The following RBFOX1 variants were observed in gnomAD, a reference collection of about 807,000 sequenced individuals.
RBFOX1 encodes the protein RNA binding fox-1 homolog 1, also known as RNA binding protein fox-1 homolog 1.
In RBFOX1, 8 loss-of-function variants were observed where a neutral mutation model predicts 57.7. The ratio of observed to expected loss-of-function variants is 0.14; its 90% CI spans 0.08 to 0.25. The LOEUF (loss-of-function observed/expected upper bound fraction) is 0.25, where lower values mean the gene tolerates loss of function less well. Among genes scored for constraint, RBFOX1 ranks in the 10% least tolerant of loss-of-function variants. The probability of loss-of-function intolerance (pLI) is 1.00; values close to 1 mark genes in which losing one functional copy is unlikely to be tolerated. For synonymous variants in RBFOX1, 326 were observed against 222.4 expected (o/e 1.47, Z -4.15); for missense variants, 611 against 548.5 (o/e 1.11, Z -1.14).
rs544368589 is a variant in RBFOX1, at chr16:6,598,631, C to A, written c.-63-55972C>A. On this transcript the variant is annotated intron_variant, in intron 2 of 15. Transcript: ENST00000550418. ...ACATATGATAAACAGTATTATGTGA[C>A]CATTCAAAATGGCTTTTAAGAATAC... is the stretch of plus-strand genomic sequence containing the variant. Among the ~76,000 whole-genome samples the A allele has an allele frequency of 1.8e-3, 264 of 150,138 alleles. 1 individual carries two copies. The highest frequency in any genetic ancestry group is 2.9e-3 in the Non-Finnish European group (195 of 67,774).
At chr16:6,531,199 A>G (rs1468847605) in intron 2 of RBFOX1, among the ~76,000 whole-genome samples, 1 of 151,940 alleles carries the variant, frequency 6.6e-6, no homozygotes, top group East Asian at 1.9e-4. Context: ...CCCAAATTCT[A>G]TTTTTCTCCA....
chr16:6,477,678 A>G (rs897929754), intron 2 of RBFOX1, among the ~76,000 whole-genome samples: 1 of 152,228 alleles, frequency 6.6e-6, no homozygotes, highest in African/African-American at 2.4e-5. Context: ...AGCCCCTAAT[A>G]AGAGCGTCAG....
At chr16:7,457,221 C>T (rs555541765) in intron 4 of RBFOX1, among the ~76,000 whole-genome samples, 2 of 152,100 alleles carry the variant, frequency 1.3e-5, no homozygotes, top group South Asian at 2.1e-4. Context: ...TACAGCGGGT[C>T]CATGAATGCA....
chr16:6,342,196 G>A (rs558451471), intron 2 of RBFOX1, among the ~76,000 whole-genome samples: 32 of 152,326 alleles, frequency 2.1e-4, no homozygotes, highest in African/African-American at 5.5e-4. Context: ...ATGTGGGAAT[G>A]GAGGCAAGCT....
chr16:5,364,780 G>C (rs1385650579), intron 1 of RBFOX1, among the ~76,000 whole-genome samples: 1 of 151,972 alleles, frequency 6.6e-6, no homozygotes, highest in African/African-American at 2.4e-5. Context: ...TGTGAGGCAG[G>C]TGCTGCTTTA....
intron 2 of RBFOX1, among the ~76,000 whole-genome samples, chr16:6,644,914 C>T (rs979259690): frequency 1.3e-5 from 2 of 152,152 alleles, no homozygotes; most frequent in African/African-American, 4.8e-5. Flanking sequence ...CTCCTTGATC[C>T]TCTGTATTTA....
chr16:5,239,997 G>A, exon 1 of RBFOX1: 6 of 1,463,784 alleles, frequency 4.1e-6, no homozygotes, highest in Non-Finnish European at 5.4e-6. Flanking sequence ...GGCTGCGGCT[G>A]GGGCTGGAGG....
chr16:6,962,344 GATCCTACAC>G lies in RBFOX1; in HGVS notation c.-15-89710_-15-89702del, dbSNP rs1304817952. ...TCCTTAGCTTAATGACATCTGCAAAGATCCTACACATTCATAGGTAGCAAGGGTTAGGAC... is the reference window on the plus strand; with the variant it reads ...TCCTTAGCTTAATGACATCTGCAAAGATTCATAGGTAGCAAGGGTTAGGAC... On this transcript the variant is annotated intron_variant, in intron 3 of 15. Coordinates refer to ENST00000550418, the MANE Select transcript of RBFOX1 (RefSeq NM_018723.4). Among the ~76,000 whole-genome samples the G allele has an allele frequency of 3.9e-5, 6 of 152,256 alleles. No individual in the cohort carries two copies. In the South Asian group the frequency reaches 1.0e-3, roughly 26 times the overall value.
chr16:6,606,751 C>G (rs1355956898), intron 2 of RBFOX1, among the ~76,000 whole-genome samples: 1 of 152,172 alleles, frequency 6.6e-6, no homozygotes, highest in Non-Finnish European at 1.5e-5. Flanking sequence ...TTTATCTGGT[C>G]TATCATTGAT....
intron 5 of RBFOX1, among the ~76,000 whole-genome samples, chr16:7,574,850 T>C (rs1025155746): frequency 7.2e-5 from 11 of 152,120 alleles, no homozygotes; most frequent in African/African-American, 2.2e-4. Flanking sequence ...CATTCCTCCT[T>C]CTCCTAGACC....
At chr16:6,515,285 T>C (rs2096352989) in intron 2 of RBFOX1, among the ~76,000 whole-genome samples, 1 of 152,210 alleles carries the variant, frequency 6.6e-6, no homozygotes, top group African/African-American at 2.4e-5. Context: ...TCCTGACCCA[T>C]CCATTTTATG....
chr16:5,475,481 T>C (rs147546788), intron 2 of RBFOX1, among the ~76,000 whole-genome samples: 262 of 152,378 alleles, frequency 1.7e-3, no homozygotes, highest in Middle Eastern at 0.014. Flanking sequence ...TTTCTGCACC[T>C]TCTTCCAACC....
intron 4 of RBFOX1, among the ~76,000 whole-genome samples, chr16:7,463,169 G>C (rs74869403): frequency 1.3e-5 from 2 of 152,128 alleles, no homozygotes; most frequent in Admixed American, 1.3e-4. Flanking sequence ...GCCCTCAGAT[G>C]GTAGAAGGGA....
chr16:6,593,597 A>C (rs4404072), intron 2 of RBFOX1, among the ~76,000 whole-genome samples: 140,929 of 152,216 alleles, frequency 0.93, 66,246 homozygotes, highest in East Asian at 1. Context: ...TTCATGATAG[A>C]ATTCCTGGTT....
intron 3 of RBFOX1, among the ~76,000 whole-genome samples, chr16:6,699,656 C>T (rs1030845781): frequency 6.6e-6 from 1 of 152,094 alleles, no homozygotes; most frequent in African/African-American, 2.4e-5. Flanking sequence ...GTCAACCAGC[C>T]CCTGCCCTGT....
intron 3 of RBFOX1, among the ~76,000 whole-genome samples, chr16:6,892,769 TGTCTCC>T (rs2065780169): frequency 6.2e-5 from 6 of 96,300 alleles, no homozygotes; most frequent in South Asian, 4.8e-4. Context: ...AAAGCCTCCC[TGTCTCC>T]CTCTCTCTCT....
intron 3 of RBFOX1, among the ~76,000 whole-genome samples, chr16:6,856,928 G>T (rs1352761802): frequency 2.0e-5 from 3 of 152,098 alleles, no homozygotes; most frequent in African/African-American, 4.8e-5. Context: ...AGAAAGAGAA[G>T]GAAAGAAAAC....
intron 2 of RBFOX1, among the ~76,000 whole-genome samples, chr16:6,394,462 C>G (rs1472372926): frequency 6.6e-6 from 1 of 150,940 alleles, no homozygotes; most frequent in African/African-American, 2.4e-5. Context: ...TTGCTTCTTG[C>G]AAAGAACCTT....
In RBFOX1 at chr16:6,513,799, G is replaced by A. The variant is rs11866758; in HGVS notation, c.-63-140804G>A. ...ACCATGACATCATTGTCTTGTTTCT[G>A]TGGCCACTGCAGAGCCAATCAGTTC... On this transcript the variant is annotated intron_variant, in intron 2 of 15. Coordinates refer to ENST00000550418, the MANE Select transcript of RBFOX1 (RefSeq NM_018723.4). Among the ~76,000 whole-genome samples the A allele has an allele frequency of 6.8e-3, 1,042 of 152,244 alleles. 7 individuals carry two copies. Among genetic ancestry groups the A allele is most frequent in the East Asian group, 0.026 (135 of 5,160 alleles).
Sources: allele counts gnomAD v4.1 joint callset (sites outside exome capture counted in the v4.1 genomes callset), GRCh38; gene constraint gnomAD v4.1.1; transcripts MANE v1.5; gene names NCBI Gene and HGNC (gene_info 2026-07-23, HGNC 2026-07-21).